DCHS1: variants seen among roughly 807,000 people sequenced by gnomAD.
DCHS1 encodes protocadherin-16.
DCHS1 carries 78 observed loss-of-function variants against 213.9 expected under a neutral mutation model. The observed-to-expected ratio is 0.36, with a 90% CI of 0.30 to 0.44. The LOEUF is 0.44. Ranked by LOEUF, DCHS1 falls within the 20% of genes least tolerant of loss-of-function variation. The probability of loss-of-function intolerance (pLI) is 1.00; values close to 1 mark genes in which losing one functional copy is unlikely to be tolerated. For missense variants in DCHS1, 3,946 were observed against 4,395.9 expected (o/e 0.90, Z 2.89); for synonymous variants, 1,828 against 1,873.7 (o/e 0.98, Z 0.63).
intron 9 of DCHS1, 93 bp downstream of exon 9, chr11:6,630,960 C>T: frequency 6.6e-7 from 1 of 1,518,578 alleles, no homozygotes; most frequent in Non-Finnish European, 8.8e-7. Context: ...GTCAGAGTAG[C>T]CTGACTGCTA....
Position 6,634,281 on chromosome 11 carries a change from C to A in DCHS1, c.1823G>T (p.Gly608Val). 1.2e-6 allele frequency: 2 copies of A among 1,608,906 alleles called. No individual in the cohort carries two copies. Residue 608 changes from glycine to valine, a missense_variant, in exon 3 of 21, where the codon GGC (glycine) becomes GTC (valine). By Grantham distance (109) the Gly-to-Val change is moderately radical. This residue lies in a region of DCHS1 where 3,384 missense variants were observed against 3,780.1 expected (regional missense o/e 0.90). Transcript: ENST00000299441. ...LQVTATDADS[G>V]PFGLLSYSLG... ...GGAATAGGAGAGGAGGCCAAATGGG[C>A]CACTATCCGCGTCTGTGGCTGTCAC...
At position 6,630,296 on chromosome 11, in the gene DCHS1, C is replaced by T. The variant is rs1281502163; in HGVS notation, c.4498G>A (p.Gly1500Ser). ...GCGGGAGTGGTCTCTCGGTCCAGGC[C>T]GCGCGGAGCGCTGAGCGCCCCGGTG... is the stretch of plus-strand genomic sequence containing the variant. ...ARTGALSAPR[G>S]LDRETTPALL... The change falls in exon 10 of 21, where the codon GGC becomes AGC. Residue 1500 changes from glycine (G) to serine (S), a missense_variant. By Grantham distance (56) the Gly-to-Ser change is moderately conservative. Transcript: ENST00000299441. 3 of 1,472,018 alleles carry T rather than the reference C, an allele frequency of 2.0e-6. No individual in the cohort carries two copies. The highest frequency in any genetic ancestry group is 1.5e-5 in the African/African-American group (1 of 68,160). The allele number at this position is 1,472,018 out of a possible 1,614,324, so 91.2% of individuals were successfully genotyped here. A position where few individuals can be genotyped will look rare whatever the true frequency, so the allele number is the denominator to read the frequency against.
Position 6,632,025 on chromosome 11 carries a change from G to A in DCHS1, c.3481+6C>T. On this transcript the variant is annotated splice_donor_region_variant and intron_variant, in intron 6 of 20. Coordinates refer to ENST00000299441, the MANE Select transcript of DCHS1 (RefSeq NM_003737.4). The surrounding 1 kb of genome is among the most constrained non-coding windows in gnomAD (Gnocchi z 5.9). Reference sequence around the variant, plus strand: ...GCGGTCTCAGGATTTGGGTCTCTGTGCTCACCAGTCTGGGGGTGGATGCGG... The same window carrying A: ...GCGGTCTCAGGATTTGGGTCTCTGTACTCACCAGTCTGGGGGTGGATGCGG... 6.6e-7 allele frequency: 1 copy of A among 1,505,518 alleles called. No individual in the cohort carries two copies. The highest frequency in any genetic ancestry group is 8.8e-7 in the Non-Finnish European group (1 of 1,130,704). The allele number at this position is 1,505,518 out of a possible 1,614,324, so 93.3% of individuals were successfully genotyped here. A position where few individuals can be genotyped will look rare whatever the true frequency, so the allele number is the denominator to read the frequency against.
At chr11:6,642,046 T>G (rs1021630530) in intron 1 of DCHS1, among the ~76,000 whole-genome samples, 15 of 152,238 alleles carry the variant, frequency 9.9e-5, no homozygotes, top group African/African-American at 3.4e-4. Flanking sequence ...TTTCTCATTT[T>G]CTTCTCATCC....
chr11:6,624,932 G>T, intron 19 of DCHS1, 64 bp from the exon 20 acceptor site: 1 of 1,596,180 alleles, frequency 6.3e-7, no homozygotes, highest in Non-Finnish European at 8.6e-7. Flanking sequence ...CATGCAGCCT[G>T]TTCTGGAGCT....
chr11:6,654,999 C>CA (rs1856294182), intron 1 of DCHS1, among the ~76,000 whole-genome samples: 2 of 149,910 alleles, frequency 1.3e-5, no homozygotes, highest in African/African-American at 5.0e-5. Context: ...TGACCCCCCC[C>CA]TCCATCCACT....
chr11:6,629,025 G>C (rs776856295), intron 12 of DCHS1, among the ~76,000 whole-genome samples, 195 bp from the exon 13 acceptor site: 1 of 152,204 alleles, frequency 6.6e-6, no homozygotes. Context: ...GTGCATGCAA[G>C]ATATATCTTG....
At chr11:6,634,440 C>G in intron 2 of DCHS1, 134 bp from the exon 3 acceptor site, 1 of 977,256 alleles carries the variant, frequency 1.0e-6, no homozygotes, top group Non-Finnish European at 1.4e-6. Context: ...AGGACATGGG[C>G]CCAAACCCAA....
rs1187559443 is a variant in DCHS1 at position 6,631,150 on chromosome 11, G to T, written c.3833C>A (p.Pro1278His). The change falls in exon 9 of 21, where the codon CCC (proline) becomes CAC (histidine). Residue 1278 changes from proline (P) to histidine (H), a missense_variant. Transcript: ENST00000299441. ...GTGGGGCCGCTCTGCTCGGATCAGG[G>T]GAGCTGCAGTGAGCAGCTCCCCTGA... is the stretch of plus-strand genomic sequence containing the variant. ...PHSGELLTAA[P>H]LIRAERPHYV... The T allele has an allele frequency of 1.2e-6, 2 of 1,612,780 alleles. No individual in the cohort carries two copies. The highest frequency in any genetic ancestry group is 1.3e-5 in the African/African-American group (1 of 74,980).
Position 6,641,538 on chromosome 11 carries a change from G to T in DCHS1, c.76C>A (p.Leu26Met). ...CCCAGCAGCAGCAGCAGCAGCAGCA[G>T]CAATGGTAGCAGGAGGTGGGGCCTG... is the stretch of plus-strand genomic sequence containing the variant. Reference protein sequence around the residue: ...SPRPHLLLPLLLLLLLLLGAG... With the variant: ...SPRPHLLLPLMLLLLLLLGAG... Residue 26 changes from leucine (L) to methionine (M), a missense_variant, in exon 2 of 21, where the codon CTG (leucine) becomes ATG (methionine). Leu to Met is a conservative substitution (Grantham distance 15). Around this residue, in one of 3 missense-constraint regions of DCHS1, gnomAD observed 3,384 missense variants for 3,780.1 expected, o/e 0.90. Transcript: ENST00000299441. This position sits in a 1 kb window ranked among gnomAD's most constrained non-coding sequence, Gnocchi z 7.1. 6.4e-7 allele frequency: 1 copy of T among 1,552,650 alleles called. No homozygotes were observed. Among genetic ancestry groups the T allele is most frequent in the Non-Finnish European group, 8.7e-7 (1 of 1,148,270 alleles).
chr11:6,646,085 G>C (rs1422325384), intron 1 of DCHS1, among the ~76,000 whole-genome samples: 1 of 151,610 alleles, frequency 6.6e-6, no homozygotes, highest in Admixed American at 6.6e-5. Context: ...CTCACACCAA[G>C]AGGCATGTTC....
At position 6,623,002 on chromosome 11, in the gene DCHS1, G is replaced by T; in HGVS notation, c.8674C>A (p.Arg2892=). The stretch of plus-strand genomic sequence containing the variant: ...AGCCTCAGCTCCCGTGGTGCTTCCC[G>T]CCGGGTCCGGCCCCCACCCCCAGAG... ...ATSGGGGRTR[R]EAPRELRLEV... Residue 2892 remains arginine, a synonymous_variant, in exon 21 of 21, where the codon CGG becomes AGG. Coordinates refer to ENST00000299441, the MANE Select transcript of DCHS1 (RefSeq NM_003737.4). 1 of 1,569,322 alleles carries T rather than the reference G, an allele frequency of 6.4e-7. No individual in the cohort carries two copies. Among genetic ancestry groups the T allele is most frequent in the Non-Finnish European group, 8.6e-7 (1 of 1,157,854 alleles).
rs769264786 is a variant in DCHS1, at chr11:6,633,023, C to G, written c.2489G>C (p.Gly830Ala). The G allele has an allele frequency of 4.5e-5, 72 of 1,609,892 alleles. No homozygotes were observed. Among genetic ancestry groups the G allele is most frequent in the Non-Finnish European group, 6.0e-5 (71 of 1,176,728 alleles). ...RLAPVTLSLSGGDPRGLFSLD... is the reference protein window; with the variant it reads ...RLAPVTLSLSAGDPRGLFSLD... ...GGAGAAGAGTCCTCGGGGATCCCCACCTGATAGGGAAAGGGTCACAGGTGC... is the reference window on the plus strand; with the variant it reads ...GGAGAAGAGTCCTCGGGGATCCCCAGCTGATAGGGAAAGGGTCACAGGTGC... Residue 830 changes from glycine to alanine, a missense_variant, in exon 6 of 21, where the codon GGT becomes GCT. Coordinates refer to ENST00000299441, the MANE Select transcript of DCHS1 (RefSeq NM_003737.4).
At chr11:6,638,649 A>G (rs2134641225) in intron 2 of DCHS1, among the ~76,000 whole-genome samples, 1 of 152,268 alleles carries the variant, frequency 6.6e-6, no homozygotes, top group East Asian at 1.9e-4. Context: ...CTGCTGCAGC[A>G]CTAGTTGCTG....
Position 6,640,266 on chromosome 11 carries a change from G to A in DCHS1, c.1348C>T (p.Pro450Ser). ...LRVTATDSGS[P>S]PLRAEAAFVL... The stretch of plus-strand genomic sequence containing the variant: ...AAGGCAGCCTCAGCCCGCAGTGGAG[G>A]TGAGCCTGAGTCTGTGGCTGTAACC... The change falls in exon 2 of 21, where the codon CCT (proline) becomes TCT (serine). Residue 450 changes from proline to serine, a missense_variant. Transcript: ENST00000299441. This position sits in a 1 kb window ranked among gnomAD's most constrained non-coding sequence, Gnocchi z 6.5. The A allele has an allele frequency of 1.2e-6, 2 of 1,609,820 alleles. No homozygotes were observed. The highest frequency in any genetic ancestry group is 1.1e-5 in the South Asian group (1 of 90,304).
At chr11:6,629,355 A>C in intron 12 of DCHS1, 97 bp downstream of exon 12, 1 of 1,490,954 alleles carries the variant, frequency 6.7e-7, no homozygotes, top group Non-Finnish European at 9.0e-7. Context: ...GGTAATAGGC[A>C]AAAACTTCTA....
At position 6,633,541 on chromosome 11, in the gene DCHS1, C is replaced by T; in HGVS notation, c.2326G>A (p.Val776Met). 1 of 1,588,648 alleles carries T rather than the reference C, an allele frequency of 6.3e-7. No homozygotes were observed. ...GTTCCAGGCACAATGCTGATGTCCA[C>T]TCGGGCACTGGGTTCTGCCTGTAGG... ...GGLQAEPSAR[V>M]DISIVPGTPT... is the part of the protein sequence containing the mutation. Residue 776 changes from valine to methionine, a missense_variant, in exon 5 of 21, where the codon GTG (valine) becomes ATG (methionine). Val to Met is a conservative substitution (Grantham distance 21). This residue lies in a region of DCHS1 where 3,384 missense variants were observed against 3,780.1 expected (regional missense o/e 0.90). Transcript: ENST00000299441.
chr11:6,630,752 C>G lies in DCHS1; in HGVS notation c.4042G>C (p.Gly1348Arg), dbSNP rs925508544. The G allele has an allele frequency of 4.5e-6, 7 of 1,545,766 alleles. No homozygotes were observed. The highest frequency in any genetic ancestry group is 6.1e-6 in the Non-Finnish European group (7 of 1,147,368). ...TVTAAEGLRP[G>R]SLLGSVAAPE... The stretch of plus-strand genomic sequence containing the variant: ...GCTGCCACCGAGCCCAACAGAGAGC[C>G]GGGCCGCAGTCCCTCAGCTGCTGTC... The change falls in exon 10 of 21, where the codon GGC becomes CGC. Residue 1348 changes from glycine to arginine, a missense_variant. By Grantham distance (125) the Gly-to-Arg change is moderately radical. This residue lies in a region of DCHS1 where 3,384 missense variants were observed against 3,780.1 expected (regional missense o/e 0.90). Coordinates refer to ENST00000299441, the MANE Select transcript of DCHS1 (RefSeq NM_003737.4).
Position 6,622,498 on chromosome 11 carries a change from G to C in DCHS1, c.9178C>G (p.Leu3060Val). ...FPRVASVASS[L>V]AARGPDSGIQ... ...CCTGAGTCAGGGCCACGGGCAGCCA[G>C]AGAGGAGGCCACACTGGCCACACGG... The change falls in exon 21 of 21, where the codon CTG becomes GTG. Residue 3060 changes from leucine to valine, a missense_variant. Physicochemically the swap from Leu to Val is conservative, Grantham distance 32. Transcript: ENST00000299441. The surrounding 1 kb of genome is among the most constrained non-coding windows in gnomAD (Gnocchi z 5.4). 2 of 1,575,692 alleles carry C rather than the reference G, an allele frequency of 1.3e-6. No individual in the cohort carries two copies. Among genetic ancestry groups the C allele is most frequent in the Non-Finnish European group, 8.6e-7 (1 of 1,160,918 alleles).
Sources: gnomAD v4.1 joint callset for allele counts (sites outside exome capture counted in the v4.1 genomes callset) on GRCh38, gnomAD v4.1.1 for gene constraint, gnomAD v4.1.1 regional missense constraint, Gnocchi (gnomAD v3.1) non-coding constraint, MANE v1.5 for transcripts, NCBI Gene and HGNC (gene_info 2026-07-23, HGNC 2026-07-21) for gene names.